The following SCOC variants were observed in gnomAD, a reference collection of about 807,000 sequenced individuals.
SCOC encodes the protein short coiled coil protein.
Under a neutral mutation model 9.9 loss-of-function variants are expected in SCOC, and 7 were observed. That is an observed-to-expected ratio of 0.71 (90% CI 0.40 to 1.33). SCOC has a LOEUF of 1.33. SCOC is among the 40% of genes most tolerant of loss of function. The probability of loss-of-function intolerance (pLI) is 0.01; values close to 1 mark genes in which losing one functional copy is unlikely to be tolerated. For missense variants in SCOC, 66 were observed against 89.7 expected (o/e 0.74, Z 1.07); for synonymous variants, 19 against 28.2 (o/e 0.67, Z 1.03).
intron 1 of SCOC, among the ~76,000 whole-genome samples, chr4:140,374,552 T>A (rs549366445): frequency 1.3e-5 from 2 of 152,298 alleles, no homozygotes; most frequent in East Asian, 3.9e-4. Flanking sequence ...AATTTGAAAC[T>A]GGATTTATTT....
intron 1 of SCOC, among the ~76,000 whole-genome samples, chr4:140,292,008 A>G (rs1348588694): frequency 6.6e-6 from 1 of 152,070 alleles, no homozygotes; most frequent in Admixed American, 6.6e-5. Flanking sequence ...GACCTGGGAA[A>G]TAGGTGAATG....
At chr4:140,272,717 G>A (rs1243506213) in intron 1 of SCOC, among the ~76,000 whole-genome samples, 1 of 151,946 alleles carries the variant, frequency 6.6e-6, no homozygotes, top group Non-Finnish European at 1.5e-5. Context: ...TCAAAAAGAT[G>A]TGTCAACAAG....
chr4:140,308,772 G>C (rs1732067242), intron 1 of SCOC, among the ~76,000 whole-genome samples: 1 of 152,238 alleles, frequency 6.6e-6, no homozygotes, highest in African/African-American at 2.4e-5. Context: ...TGCTATGCAA[G>C]CTGTCTGAGC....
At chr4:140,292,381 G>A (rs921534392) in intron 1 of SCOC, among the ~76,000 whole-genome samples, 8 of 151,962 alleles carry the variant, frequency 5.3e-5, no homozygotes, top group Non-Finnish European at 1.0e-4. Flanking sequence ...TAGAGACAGG[G>A]TTTTGTCATG....
At chr4:140,288,233 G>A (rs998077591) in intron 1 of SCOC, among the ~76,000 whole-genome samples, 2 of 151,774 alleles carry the variant, frequency 1.3e-5, no homozygotes, top group Admixed American at 6.6e-5. Context: ...GTACATGCAT[G>A]TGTCACACCC....
At chr4:140,329,052 C>G (rs1560703500) in intron 1 of SCOC, among the ~76,000 whole-genome samples, 1 of 152,182 alleles carries the variant, frequency 6.6e-6, no homozygotes, top group Admixed American at 6.5e-5. Context: ...TCAAACTATA[C>G]TATAAGGCCA....
intron 1 of SCOC, among the ~76,000 whole-genome samples, chr4:140,330,749 T>C (rs1185874897): frequency 2.0e-5 from 3 of 152,230 alleles, no homozygotes; most frequent in Non-Finnish European, 2.9e-5. Context: ...AATAAATGCC[T>C]TGTGAGGATA....
intron 2 of SCOC, among the ~76,000 whole-genome samples, chr4:140,364,320 G>A (rs1203796184): frequency 2.6e-5 from 4 of 152,070 alleles, no homozygotes; most frequent in Non-Finnish European, 5.9e-5. Context: ...TTAGGAAGAG[G>A]TTTGGCTTTA....
intron 1 of SCOC, among the ~76,000 whole-genome samples, chr4:140,305,103 A>C (rs1731928674): frequency 6.6e-6 from 1 of 152,204 alleles, no homozygotes; most frequent in African/African-American, 2.4e-5. Context: ...AAGGAAAAAC[A>C]ACCGCATTGC....
intron 1 of SCOC, among the ~76,000 whole-genome samples, chr4:140,321,126 T>C (rs1385445850): frequency 6.6e-6 from 1 of 152,052 alleles, no homozygotes; most frequent in East Asian, 1.9e-4. Context: ...CCCCTGAGGG[T>C]AACCATAGCA....
At chr4:140,362,296 C>CT (rs1266702888) in intron 2 of SCOC, among the ~76,000 whole-genome samples, 1 of 18,458 alleles carries the variant, frequency 5.4e-5, no homozygotes, top group African/African-American at 3.0e-4. Flanking sequence ...TCTTCTTCTT[C>CT]TTCTTTTTTT....
At chr4:140,281,906 G>GT (rs1731107384) in intron 1 of SCOC, among the ~76,000 whole-genome samples, 1 of 152,182 alleles carries the variant, frequency 6.6e-6, no homozygotes, top group African/African-American at 2.4e-5. Context: ...GCATTTTCCT[G>GT]TTTTGAGGGC....
chr4:140,352,083 GC>G (rs1313646598), intron 2 of SCOC, among the ~76,000 whole-genome samples: 1 of 152,196 alleles, frequency 6.6e-6, no homozygotes, highest in Non-Finnish European at 1.5e-5. Context: ...CAAGGAAGTG[GC>G]GAGCGCTGGC....
intron 1 of SCOC, among the ~76,000 whole-genome samples, chr4:140,331,333 C>T (rs902224590): frequency 6.6e-6 from 1 of 152,138 alleles, no homozygotes. Context: ...TCCAATCCAC[C>T]CTGCTGGAAA....
chr4:140,261,234 C>T (rs546190601), intron 1 of SCOC, among the ~76,000 whole-genome samples: 3 of 152,256 alleles, frequency 2.0e-5, no homozygotes, highest in Non-Finnish European at 2.9e-5. Flanking sequence ...GTTTGTTGTC[C>T]GTGGCACTAG....
At chr4:140,337,189 G>A (rs1316320798) in intron 1 of SCOC, among the ~76,000 whole-genome samples, 1 of 151,984 alleles carries the variant, frequency 6.6e-6, no homozygotes, top group East Asian at 1.9e-4. Context: ...TCTGTACATT[G>A]GCTTTTCACA....
chr4:140,362,309 T>TCCTC (rs1578861442), intron 2 of SCOC, among the ~76,000 whole-genome samples: 1 of 64,170 alleles, frequency 1.6e-5, no homozygotes, highest in Admixed American at 1.6e-4. Context: ...CTTTTTTTTT[T>TCCTC]TTTTTTGTGA....
intron 1 of SCOC, among the ~76,000 whole-genome samples, chr4:140,321,677 A>G (rs1327218826): frequency 6.6e-6 from 1 of 152,098 alleles, no homozygotes; most frequent in African/African-American, 2.4e-5. Flanking sequence ...ATAGGACAAA[A>G]TCTCCAAGAG....
intron 2 of SCOC, among the ~76,000 whole-genome samples, chr4:140,353,571 C>T (rs554519444): frequency 1.8e-4 from 27 of 152,166 alleles, no homozygotes; most frequent in South Asian, 6.2e-4. Context: ...CCACCACGCC[C>T]GGCTAATTTT....
Sources: gnomAD v4.1 joint callset for allele counts (sites outside exome capture counted in the v4.1 genomes callset) on GRCh38, gnomAD v4.1.1 for gene constraint, MANE v1.5 for transcripts, NCBI Gene and HGNC (gene_info 2026-07-23, HGNC 2026-07-21) for gene names.